The following RCSD1 variants were observed in gnomAD, a reference collection of about 807,000 sequenced individuals.
RCSD1 encodes the protein RCSD domain containing 1.
In RCSD1, 26 loss-of-function variants were observed where a neutral mutation model predicts 42.5. The ratio of observed to expected loss-of-function variants is 0.61; its 90% CI spans 0.45 to 0.85. RCSD1 has a LOEUF of 0.85. Ranked by LOEUF, RCSD1 falls within the 40% of genes least tolerant of loss-of-function variation. The pLI is 0.00. For missense variants in RCSD1, 571 were observed against 528.3 expected (o/e 1.08, Z -0.79); for synonymous variants, 220 against 212.2 (o/e 1.04, Z -0.32).
chr1:167,701,259 T>A (rs1291698968), intron 6 of RCSD1, among the ~76,000 whole-genome samples: 3 of 111,084 alleles, frequency 2.7e-5, no homozygotes, highest in African/African-American at 1.4e-4. Flanking sequence ...CTAGTTTCTT[T>A]CTTTCTTTCT....
At chr1:167,669,984 G>A (rs1003666136) in intron 1 of RCSD1, among the ~76,000 whole-genome samples, 1 of 64,932 alleles carries the variant, frequency 1.5e-5, no homozygotes, top group Admixed American at 1.4e-4. Flanking sequence ...CAGACCTCAG[G>A]ACACACACGC....
intron 1 of RCSD1, among the ~76,000 whole-genome samples, chr1:167,675,604 C>A (rs1380195593): frequency 6.6e-6 from 1 of 152,136 alleles, no homozygotes; most frequent in Non-Finnish European, 1.5e-5. Context: ...TTTGACTTGA[C>A]CCAGAGCTCT....
intron 1 of RCSD1, among the ~76,000 whole-genome samples, chr1:167,652,734 G>A (rs1658341992): frequency 6.6e-6 from 1 of 151,924 alleles, no homozygotes; most frequent in Non-Finnish European, 1.5e-5. Flanking sequence ...CCTTTTTCTT[G>A]TTTCATACAC....
In RCSD1 at chr1:167,704,815, G is replaced by T; in HGVS notation, c.*119G>T. ...CAGAGGCAGAATATGCTGAGTGTCT[G>T]GAGTCAGCCTGAAGACACAGGGTGG... On this transcript the variant is annotated 3_prime_UTR_variant, in exon 7 of 7. Coordinates refer to ENST00000367854, the MANE Select transcript of RCSD1 (RefSeq NM_052862.4). The T allele has an allele frequency of 1.0e-6, 1 of 972,840 alleles. No individual in the cohort carries two copies. Among genetic ancestry groups the T allele is most frequent in the South Asian group, 1.4e-5 (1 of 72,424 alleles). The allele number at this position is 972,840 out of a possible 1,614,324, so 60.3% of individuals were successfully genotyped here. A position where few individuals can be genotyped will look rare whatever the true frequency, so the allele number is the denominator to read the frequency against.
At chr1:167,654,383 A>C (rs1209152912) in intron 1 of RCSD1, among the ~76,000 whole-genome samples, 1 of 152,202 alleles carries the variant, frequency 6.6e-6, no homozygotes, top group African/African-American at 2.4e-5. Flanking sequence ...GGGAATGGGT[A>C]GGAATTTGAT....
intron 1 of RCSD1, among the ~76,000 whole-genome samples, chr1:167,644,359 A>G (rs2102201048): frequency 2.6e-5 from 4 of 152,196 alleles, no homozygotes; most frequent in Admixed American, 2.6e-4. Context: ...TGCGCCTATA[A>G]TCCCACCTAC....
chr1:167,667,594 A>G (rs55980709), intron 1 of RCSD1, among the ~76,000 whole-genome samples: 32 of 152,352 alleles, frequency 2.1e-4, no homozygotes, highest in African/African-American at 5.8e-4. Flanking sequence ...ATGGAATTAT[A>G]ATAGATTTCA....
rs1300256886 is a variant in RCSD1 at position 167,694,110 on chromosome 1, C to A, written c.282C>A (p.Thr94=). Residue 94 remains threonine (T), a synonymous_variant, in exon 5 of 7, where the codon ACC becomes ACA. Coordinates refer to ENST00000367854, the MANE Select transcript of RCSD1 (RefSeq NM_052862.4). ...TCTTTTCTTGACAGGCCAATTTAAC[C>A]TTTGACCCAGCTGCTCTACTGCCTG... ...PLIEKLQANL[T]FDPAALLPGA... is the part of the protein sequence containing the mutation. 10 of 1,614,086 alleles carry A rather than the reference C, an allele frequency of 6.2e-6. No homozygotes were observed. In the Admixed American group the frequency reaches 8.3e-5, roughly 13 times the overall value.
intron 1 of RCSD1, among the ~76,000 whole-genome samples, chr1:167,652,728 T>C (rs1265731139): frequency 1.3e-5 from 2 of 152,224 alleles, no homozygotes; most frequent in Non-Finnish European, 2.9e-5. Flanking sequence ...TTTTAGCCTT[T>C]TTCTTGTTTC....
chr1:167,672,050 C>T (rs1658822092), intron 1 of RCSD1, among the ~76,000 whole-genome samples: 1 of 152,162 alleles, frequency 6.6e-6, no homozygotes, highest in Non-Finnish European at 1.5e-5. Context: ...GCAATCATAG[C>T]ACCCACAACT....
At chr1:167,631,356 G>A (rs1215009674) in intron 1 of RCSD1, among the ~76,000 whole-genome samples, 1 of 152,220 alleles carries the variant, frequency 6.6e-6, no homozygotes, top group Non-Finnish European at 1.5e-5. Context: ...TAGTTTTAAA[G>A]GTGATTCCCA....
At chr1:167,671,798 G>A (rs766127367) in intron 1 of RCSD1, among the ~76,000 whole-genome samples, 1 of 152,216 alleles carries the variant, frequency 6.6e-6, no homozygotes, top group Non-Finnish European at 1.5e-5. Context: ...TCAGGCCAGA[G>A]TCCCAACTTA....
intron 1 of RCSD1, among the ~76,000 whole-genome samples, chr1:167,651,135 T>G (rs1325366502): frequency 6.6e-6 from 1 of 152,172 alleles, no homozygotes; most frequent in African/African-American, 2.4e-5. Context: ...TTAACTTAAT[T>G]TCCTCTGTGA....
intron 1 of RCSD1, among the ~76,000 whole-genome samples, chr1:167,660,530 T>C (rs544009453): frequency 1.4e-3 from 215 of 152,054 alleles, no homozygotes; most frequent in African/African-American, 4.9e-3. Flanking sequence ...AGTGCAGTCA[T>C]AGCTCTCTGA....
intron 6 of RCSD1, among the ~76,000 whole-genome samples, chr1:167,700,583 G>A (rs1158122015): frequency 1.3e-5 from 2 of 151,738 alleles, no homozygotes; most frequent in African/African-American, 2.4e-5. Context: ...CCTGGGAGGC[G>A]GAGCTTGCAG....
At chr1:167,644,493 ATAC>A (rs765822725) in intron 1 of RCSD1, among the ~76,000 whole-genome samples, 14,291 of 116,850 alleles carry the variant, frequency 0.12, 1,070 homozygotes, top group African/African-American at 0.24. Context: ...AAATAAATAC[ATAC>A]ATACATACAT....
chr1:167,688,539 C>A (rs1441547818), intron 3 of RCSD1, among the ~76,000 whole-genome samples: 1 of 152,148 alleles, frequency 6.6e-6, no homozygotes, highest in African/African-American at 2.4e-5. Context: ...TTTATTCCCG[C>A]CCAGCTGCAT....
At chr1:167,666,206 A>C (rs927040214) in intron 1 of RCSD1, among the ~76,000 whole-genome samples, 1 of 152,092 alleles carries the variant, frequency 6.6e-6, no homozygotes, top group Admixed American at 6.5e-5. Context: ...GCTTTAATAA[A>C]CCAACTGAGC....
chr1:167,662,822 T>C (rs1658569132), intron 1 of RCSD1, among the ~76,000 whole-genome samples: 1 of 152,242 alleles, frequency 6.6e-6, no homozygotes, highest in South Asian at 2.1e-4. Flanking sequence ...TTGGCATCCC[T>C]GAGTTCCCTG....
Sources: allele counts gnomAD v4.1 joint callset (sites outside exome capture counted in the v4.1 genomes callset), GRCh38; gene constraint gnomAD v4.1.1; transcripts MANE v1.5; gene names NCBI Gene and HGNC (gene_info 2026-07-23, HGNC 2026-07-21).